Variants in CLMP observed in about 807,000 individuals in gnomAD.
CLMP encodes CXADR like cell adhesion molecule, also known as CXADR-like membrane protein.
In CLMP, 27 loss-of-function variants were observed where a neutral mutation model predicts 45.2. The ratio of observed to expected loss-of-function variants is 0.60; its 90% confidence interval spans 0.44 to 0.82. The LOEUF (loss-of-function observed/expected upper bound fraction) is 0.82, where lower values mean the gene tolerates loss of function less well. Ranked by LOEUF, CLMP falls within the 40% of genes least tolerant of loss-of-function variation. The pLI is 0.00. For missense variants in CLMP, 403 were observed against 448.4 expected (o/e 0.90, Z 0.91); for synonymous variants, 167 against 171.4 (o/e 0.97, Z 0.20).
intron 1 of CLMP, among the ~76,000 whole-genome samples, chr11:123,126,105 C>T (rs1480115355): frequency 6.6e-6 from 1 of 152,216 alleles, no homozygotes; most frequent in East Asian, 1.9e-4. Context: ...GAATATATTG[C>T]TTCGCCTGAA....
intron 1 of CLMP, among the ~76,000 whole-genome samples, chr11:123,156,018 G>A (rs1386659920): frequency 6.6e-6 from 1 of 152,110 alleles, no homozygotes. Flanking sequence ...AAATTCATAT[G>A]TTGAAGTTCT....
intron 1 of CLMP, among the ~76,000 whole-genome samples, chr11:123,167,065 T>C (rs1358823374): frequency 6.6e-6 from 1 of 152,190 alleles, no homozygotes; most frequent in African/African-American, 2.4e-5. Context: ...CTTGGGGTAA[T>C]GGGCACATAC....
At chr11:123,154,205 C>A (rs944229624) in intron 1 of CLMP, among the ~76,000 whole-genome samples, 1 of 152,192 alleles carries the variant, frequency 6.6e-6, no homozygotes, top group African/African-American at 2.4e-5. Flanking sequence ...ACCCCCTCCT[C>A]CATGCAGGTA....
At chr11:123,096,903 T>C (rs1273408204) in intron 2 of CLMP, among the ~76,000 whole-genome samples, 1 of 151,890 alleles carries the variant, frequency 6.6e-6, no homozygotes, top group African/African-American at 2.4e-5. Flanking sequence ...CTTGACCTCC[T>C]GGGCTCAAGC....
At chr11:123,184,516 C>T (rs1038949622) in intron 1 of CLMP, among the ~76,000 whole-genome samples, 2 of 152,104 alleles carry the variant, frequency 1.3e-5, no homozygotes, top group African/African-American at 2.4e-5. Flanking sequence ...GTGAACCTGG[C>T]GAGGCGGAAG....
At chr11:123,084,987 C>T (rs554669889) in intron 2 of CLMP, among the ~76,000 whole-genome samples, 74 of 152,236 alleles carry the variant, frequency 4.9e-4, no homozygotes, top group Non-Finnish European at 7.8e-4. Flanking sequence ...CTCCATCTTA[C>T]AGGTAAGGAA....
Position 123,172,020 on chromosome 11 carries a change from A to AT in CLMP, c.28+22892dup, listed in dbSNP as rs143017859. Among the ~76,000 whole-genome samples, 35 of 149,726 alleles carry AT rather than the reference A, an allele frequency of 2.3e-4. 1 individual carries two copies. The highest frequency in any genetic ancestry group is 5.1e-4 in the African/African-American group (21 of 40,940). Reference sequence around the variant, plus strand: ...TACTATACTGTATATACAATTCTGTATTTTTTTTTTACTCAACATTATATT... The same window carrying AT: ...TACTATACTGTATATACAATTCTGTATTTTTTTTTTTACTCAACATTATATT... On this transcript the variant is annotated intron_variant, in intron 1 of 6. Coordinates refer to ENST00000448775, the MANE Select transcript of CLMP (RefSeq NM_024769.5).
intron 1 of CLMP, among the ~76,000 whole-genome samples, chr11:123,136,892 C>T (rs1291985895): frequency 6.6e-6 from 1 of 151,852 alleles, no homozygotes. Flanking sequence ...GAAAGTATAA[C>T]TTTAGTAATT....
chr11:123,142,809 G>A (rs886840420), intron 1 of CLMP, among the ~76,000 whole-genome samples: 2 of 148,864 alleles, frequency 1.3e-5, no homozygotes, highest in Admixed American at 6.7e-5. Flanking sequence ...TGTATTTTTA[G>A]TAGAGACGGG....
chr11:123,073,294 C>T lies in CLMP; in HGVS notation c.*180G>A. ...TTTTTACAGATGAATCAGCTTACAT[C>T]CTTTTGCTTGTTTGGTATTGTATAA... On this transcript the variant is annotated 3_prime_UTR_variant, in exon 7 of 7. Transcript: ENST00000448775. The T allele has an allele frequency of 1.5e-6, 1 of 659,378 alleles. No homozygotes were observed. Among genetic ancestry groups the T allele is most frequent in the Non-Finnish European group, 2.5e-6 (1 of 400,058 alleles). The allele number at this position is 659,378 out of a possible 1,614,324, so 40.8% of individuals were successfully genotyped here. A position where few individuals can be genotyped will look rare whatever the true frequency, so the allele number is the denominator to read the frequency against.
intron 2 of CLMP, among the ~76,000 whole-genome samples, chr11:123,097,390 TGCAGTG>T (rs1196316560): frequency 1.3e-5 from 2 of 151,924 alleles, no homozygotes; most frequent in African/African-American, 4.8e-5. Context: ...CAGGCTGGAG[TGCAGTG>T]GCATGATCTC....
chr11:123,194,494 T>C (rs1018310161), intron 1 of CLMP, among the ~76,000 whole-genome samples: 12 of 152,220 alleles, frequency 7.9e-5, no homozygotes, highest in African/African-American at 2.6e-4. Context: ...TCCCCCACTC[T>C]GCTCACCCTT....
At chr11:123,185,627 C>T (rs928877656) in intron 1 of CLMP, among the ~76,000 whole-genome samples, 3 of 152,112 alleles carry the variant, frequency 2.0e-5, no homozygotes, top group Admixed American at 6.5e-5. Flanking sequence ...GGAGTGGAGT[C>T]GGGTAGAGCT....
At chr11:123,172,942 T>C (rs975601199) in intron 1 of CLMP, among the ~76,000 whole-genome samples, 4 of 152,242 alleles carry the variant, frequency 2.6e-5, no homozygotes, top group Non-Finnish European at 4.4e-5. Context: ...CCACTAATAA[T>C]GTATGAGCAC....
rs1565373603 is a variant in CLMP, at chr11:123,071,441, A to G, written c.*2033T>C. On this transcript the variant is annotated 3_prime_UTR_variant, in exon 7 of 7. Coordinates refer to ENST00000448775, the MANE Select transcript of CLMP (RefSeq NM_024769.5). ...GAGAGCAAGACTGCATCTCAAAAAA[A>G]AAAGTATTCTGAGCCAGGTGCAGTG... is the stretch of plus-strand genomic sequence containing the variant. The G allele has an allele frequency of 6.6e-6, 1 of 152,096 alleles. No individual in the cohort carries two copies. 9.4% of individuals were successfully genotyped at this position (152,096 alleles called of 1,614,324 possible).
At chr11:123,170,432 A>G (rs1861615728) in intron 1 of CLMP, among the ~76,000 whole-genome samples, 1 of 140,668 alleles carries the variant, frequency 7.1e-6, no homozygotes, top group African/African-American at 2.6e-5. Context: ...TGTGTTGCAC[A>G]TGAAACCTGC....
intron 1 of CLMP, among the ~76,000 whole-genome samples, chr11:123,179,707 C>T (rs542502818): frequency 5.3e-5 from 8 of 152,334 alleles, no homozygotes; most frequent in Admixed American, 5.2e-4. Context: ...TTTGCAATTA[C>T]CAATACAAGA....
chr11:123,195,021 G>A lies in CLMP; in HGVS notation c.-81C>T. On this transcript the variant is annotated 5_prime_UTR_variant, in exon 1 of 7. Coordinates refer to ENST00000448775, the MANE Select transcript of CLMP (RefSeq NM_024769.5). ...GCCGGGCGCCTCCGACGGACCTCGG[G>A]CGAGCTGGGCGCGGCGCCTCGGGGT... is the stretch of plus-strand genomic sequence containing the variant. 7.0e-7 allele frequency: 1 copy of A among 1,431,922 alleles called. No individual in the cohort carries two copies. The highest frequency in any genetic ancestry group is 9.4e-7 in the Non-Finnish European group (1 of 1,066,278). The allele number at this position is 1,431,922 out of a possible 1,614,324, so 88.7% of individuals were successfully genotyped here.
At chr11:123,138,191 C>T (rs909290584) in intron 1 of CLMP, among the ~76,000 whole-genome samples, 7 of 152,050 alleles carry the variant, frequency 4.6e-5, no homozygotes, top group Non-Finnish European at 7.3e-5. Context: ...GTATAAGATA[C>T]ACATGGACTG....
Sources: gnomAD v4.1 joint callset for allele counts (sites outside exome capture counted in the v4.1 genomes callset) on GRCh38, gnomAD v4.1.1 for gene constraint, MANE v1.5 for transcripts, NCBI Gene and HGNC (gene_info 2026-07-23, HGNC 2026-07-21) for gene names.